The following TECPR2 variants were observed in gnomAD, a reference collection of about 807,000 sequenced individuals.
TECPR2 encodes tectonin beta-propeller repeat-containing protein 2.
TECPR2 carries 65 observed loss-of-function variants against 138.1 expected under a neutral mutation model. The ratio of observed to expected loss-of-function variants is 0.47; its 90% confidence interval spans 0.39 to 0.58. The LOEUF is 0.58. TECPR2 is among the 20% of genes least tolerant of loss of function. TECPR2 has a pLI of 0.00. For missense variants in TECPR2, 1,553 were observed against 1,824.5 expected (o/e 0.85, Z 2.71); for synonymous variants, 746 against 749.8 (o/e 0.99, Z 0.08).
intron 5 of TECPR2, among the ~76,000 whole-genome samples, chr14:102,418,575 C>T (rs926992707): frequency 5.9e-5 from 9 of 152,190 alleles, no homozygotes; most frequent in Non-Finnish European, 1.0e-4. Flanking sequence ...GTGTGGAGCA[C>T]GGTGTGGGGA....
At chr14:102,489,346 C>T (rs568093064) in intron 17 of TECPR2, among the ~76,000 whole-genome samples, 2 of 151,834 alleles carry the variant, frequency 1.3e-5, no homozygotes, top group South Asian at 2.1e-4. Context: ...TGGCTGGGCG[C>T]GGTGGCTCAC....
chr14:102,386,721 A>G (rs1888016458), intron 2 of TECPR2, among the ~76,000 whole-genome samples: 1 of 152,278 alleles, frequency 6.6e-6, no homozygotes, highest in Admixed American at 6.5e-5. Context: ...GGTACATATT[A>G]CACGCATAAA....
At chr14:102,480,323 C>G (rs1184783761) in intron 17 of TECPR2, among the ~76,000 whole-genome samples, 2 of 151,816 alleles carry the variant, frequency 1.3e-5, no homozygotes, top group Non-Finnish European at 1.5e-5. Flanking sequence ...CTCCCGGGTT[C>G]ACGCCATTCT....
intron 5 of TECPR2, among the ~76,000 whole-genome samples, chr14:102,423,643 C>T (rs887062617): frequency 9.9e-5 from 15 of 152,052 alleles, no homozygotes; most frequent in Non-Finnish European, 1.6e-4. Flanking sequence ...TGTGTAAGTA[C>T]GCTCTATGAT....
In TECPR2 at chr14:102,440,474, G is replaced by T. The variant is rs755300630; in HGVS notation, c.2617G>T (p.Ala873Ser). ...LWKIEQKSNR[A>S]FACGKVTIKG... ...GAAGATTGAACAGAAATCTAACCGG[G>T]CTTTTGCTTGTGGGAAAGTCACCAT... Residue 873 changes from alanine (A) to serine (S), a missense_variant, in exon 11 of 20, where the codon GCT (alanine) becomes TCT (serine). Physicochemically the swap from Ala to Ser is moderately conservative, Grantham distance 99 (BLOSUM62 1). Coordinates refer to ENST00000359520, the MANE Select transcript of TECPR2 (RefSeq NM_014844.5). The T allele has an allele frequency of 2.5e-6, 4 of 1,614,168 alleles. No individual in the cohort carries two copies. The highest frequency in any genetic ancestry group is 3.4e-6 in the Non-Finnish European group (4 of 1,180,032).
At chr14:102,413,387 A>T (rs62008769) in intron 4 of TECPR2, among the ~76,000 whole-genome samples, 26,583 of 148,922 alleles carry the variant, frequency 0.18, 2,914 homozygotes, top group Non-Finnish European at 0.25. Flanking sequence ...GTATATATAT[A>T]TATATTTTTT....
At chr14:102,480,445 C>T (rs1296870008) in intron 17 of TECPR2, among the ~76,000 whole-genome samples, 2 of 152,012 alleles carry the variant, frequency 1.3e-5, no homozygotes, top group Non-Finnish European at 2.9e-5. Flanking sequence ...AGGATGGTCT[C>T]GATCTCCTGA....
At chr14:102,496,805 A>T in intron 17 of TECPR2, 174 bp from the exon 18 acceptor site, 1 of 918,402 alleles carries the variant, frequency 1.1e-6, no homozygotes, top group Non-Finnish European at 1.6e-6. Context: ...GAGACAAGTG[A>T]CCATCTCCCC....
intron 1 of TECPR2, among the ~76,000 whole-genome samples, chr14:102,374,944 T>C (rs763742303): frequency 2.0e-5 from 3 of 152,182 alleles, no homozygotes; most frequent in Non-Finnish European, 4.4e-5. Context: ...GAGGCAGATA[T>C]GGGCTCTGCT....
chr14:102,445,171 A>G (rs1190551), intron 12 of TECPR2, among the ~76,000 whole-genome samples: 44,149 of 152,194 alleles, frequency 0.29, 7,135 homozygotes, highest in Non-Finnish European at 0.35. Context: ...GGAAGGCAGC[A>G]TGCAGAGTGG....
At chr14:102,455,265 C>G (rs2139759344) in intron 16 of TECPR2, among the ~76,000 whole-genome samples, 2 of 152,270 alleles carry the variant, frequency 1.3e-5, no homozygotes, top group South Asian at 4.1e-4. Flanking sequence ...TGTGTTCCGC[C>G]TGCAAAATCA....
At chr14:102,408,379 A>G (rs75659663) in intron 3 of TECPR2, 109 bp from the exon 4 acceptor site, 1 of 1,271,658 alleles carries the variant, frequency 7.9e-7, no homozygotes, top group African/African-American at 1.5e-5. Flanking sequence ...AGATTGGGAA[A>G]ACCAGCTCTT....
chr14:102,442,799 A>G (rs754273999), intron 11 of TECPR2, among the ~76,000 whole-genome samples: 1 of 152,176 alleles, frequency 6.6e-6, no homozygotes, highest in Non-Finnish European at 1.5e-5. Context: ...GAGTACTGAG[A>G]CCTAATTGCA....
At chr14:102,477,068 T>C (rs1890781790) in intron 17 of TECPR2, among the ~76,000 whole-genome samples, 1 of 150,074 alleles carries the variant, frequency 6.7e-6, no homozygotes, top group Non-Finnish European at 1.5e-5. Context: ...TTATATAAAA[T>C]ACTAGAAAAT....
At chr14:102,369,080 G>T (rs930256454) in intron 1 of TECPR2, among the ~76,000 whole-genome samples, 3 of 152,166 alleles carry the variant, frequency 2.0e-5, no homozygotes, top group African/African-American at 7.2e-5. Context: ...CTTTTGGTAG[G>T]ATTATCACTG....
At chr14:102,425,337 G>A (rs1361642411) in intron 6 of TECPR2, 46 bp downstream of exon 6, 1 of 1,530,976 alleles carries the variant, frequency 6.5e-7, no homozygotes, top group African/African-American at 1.4e-5. Context: ...ATAGGCAAGA[G>A]AATGTATCTC....
intron 17 of TECPR2, among the ~76,000 whole-genome samples, chr14:102,492,544 G>A (rs1342982462): frequency 6.6e-6 from 1 of 152,222 alleles, no homozygotes; most frequent in East Asian, 1.9e-4. Context: ...GCGGGTGAGG[G>A]GCTGGGGACG....
chr14:102,435,903 T>C lies in TECPR2; in HGVS notation c.2394+692T>C, dbSNP rs1432479833. Among the ~76,000 whole-genome samples, 6 of 152,364 alleles carry C rather than the reference T, an allele frequency of 3.9e-5. No homozygotes were observed. The East Asian group carries it at 7.7e-4, about 20-fold the overall frequency. On this transcript the variant is annotated intron_variant, in intron 9 of 19. Transcript: ENST00000359520. ...TTACTAGATATATTTGTTTCAAAACTGTGTCTTGCCCTGTCTCCTACTAAC... is the reference window on the plus strand; with the variant it reads ...TTACTAGATATATTTGTTTCAAAACCGTGTCTTGCCCTGTCTCCTACTAAC...
intron 2 of TECPR2, among the ~76,000 whole-genome samples, chr14:102,392,389 A>C (rs1888202442): frequency 6.6e-6 from 1 of 151,960 alleles, no homozygotes; most frequent in Non-Finnish European, 1.5e-5. Flanking sequence ...TCTTTGTTGC[A>C]TGGTAGGTAA....
Sources: gnomAD v4.1 joint callset for allele counts (sites outside exome capture counted in the v4.1 genomes callset) on GRCh38, gnomAD v4.1.1 for gene constraint, MANE v1.5 for transcripts, NCBI Gene and HGNC (gene_info 2026-07-23, HGNC 2026-07-21) for gene names.